Variants in ATP2C1 observed in about 807,000 individuals in gnomAD.
ATP2C1 encodes ATPase secretory pathway Ca2+ transporting 1.
Under a neutral mutation model 120.5 loss-of-function variants are expected in ATP2C1, and 31 were observed. That is an observed-to-expected ratio of 0.26 (90% CI 0.19 to 0.35). The LOEUF (loss-of-function observed/expected upper bound fraction) is 0.35, where lower values mean the gene tolerates loss of function less well. ATP2C1 is among the 10% of genes least tolerant of loss of function. The pLI is 1.00. For missense variants in ATP2C1, 731 were observed against 1,107.5 expected, an observed-to-expected ratio of 0.66 and a Z score of 4.83; for synonymous variants, 351 against 358.7, an observed-to-expected ratio of 0.98 and a Z score of 0.24.
chr3:130,943,208 A>G (rs1209698580), intron 8 of ATP2C1, among the ~76,000 whole-genome samples: 2 of 152,096 alleles, frequency 1.3e-5, no homozygotes, highest in Admixed American at 6.6e-5. Flanking sequence ...TATTGAAAAC[A>G]TTGTGAATTT....
intron 1 of ATP2C1, among the ~76,000 whole-genome samples, chr3:130,872,874 C>T (rs530314347): frequency 2.7e-4 from 41 of 152,106 alleles, no homozygotes; most frequent in Admixed American, 1.8e-3. Flanking sequence ...TGAGCCACTG[C>T]GCCCAGCTTG....
intron 17 of ATP2C1, among the ~76,000 whole-genome samples, chr3:130,971,781 G>A (rs542366015): frequency 6.4e-4 from 97 of 152,278 alleles, no homozygotes; most frequent in African/African-American, 2.2e-3. Flanking sequence ...CTTTACCCCT[G>A]TGGAACACCA....
In ATP2C1 at chr3:130,878,106, G is replaced by A. The variant is rs566925668; in HGVS notation, c.108+27178G>A. On this transcript the variant is annotated intron_variant, in intron 1 of 26. Coordinates refer to the ATP2C1 transcript ENST00000504381. Reference sequence around the variant, plus strand: ...TGAACAATGAGAACACTTGGACACAGAGTGGGGAACATCACACACTGGGGC... The same window carrying A: ...TGAACAATGAGAACACTTGGACACAAAGTGGGGAACATCACACACTGGGGC... Among the ~76,000 whole-genome samples the A allele has an allele frequency of 1.2e-4, 17 of 136,872 alleles. No homozygotes were observed. The South Asian group carries it at 2.9e-3, about 23-fold the overall frequency. The allele number at this position is 136,872 out of a possible 152,430, so 89.8% of individuals were successfully genotyped here.
intron 13 of ATP2C1, 132 bp downstream of exon 13, chr3:130,964,227 T>C: frequency 7.4e-7 from 1 of 1,344,292 alleles, no homozygotes; most frequent in South Asian, 1.2e-5. Context: ...AAATTGGATA[T>C]GGTTTTAACA....
chr3:130,874,836 C>G (rs555147392), intron 1 of ATP2C1, among the ~76,000 whole-genome samples: 46 of 152,258 alleles, frequency 3.0e-4, no homozygotes, highest in African/African-American at 1.1e-3. Context: ...TGCATCTAAT[C>G]CCCAGAATTT....
intron 26 of ATP2C1, among the ~76,000 whole-genome samples, chr3:131,011,079 G>A (rs1464338273): frequency 1.3e-5 from 2 of 152,122 alleles, no homozygotes; most frequent in African/African-American, 2.4e-5. Context: ...TTCCTTTTGT[G>A]CACAAAGGAG....
At chr3:130,889,199 T>A (rs1454820166), upstream of ATP2C1, among the ~76,000 whole-genome samples, 3 of 152,062 alleles carry the variant, frequency 2.0e-5, no homozygotes, top group African/African-American at 7.2e-5. Context: ...ATGCACAACT[T>A]TGGGATATGA....
chr3:130,985,463 T>C (rs218486), intron 20 of ATP2C1, among the ~76,000 whole-genome samples: 2,762 of 151,896 alleles, frequency 0.018, 44 homozygotes, highest in Non-Finnish European at 0.028. Context: ...CGAAACCCCA[T>C]CTCTACTAAA....
At chr3:130,931,511 T>C (rs2059447172) in intron 3 of ATP2C1, among the ~76,000 whole-genome samples, 1 of 152,028 alleles carries the variant, frequency 6.6e-6, no homozygotes, top group Non-Finnish European at 1.5e-5. Context: ...TTATGGCCCA[T>C]TGAACGTTCT....
At chr3:130,982,036 G>C (rs972885150) in intron 20 of ATP2C1, among the ~76,000 whole-genome samples, 1 of 152,080 alleles carries the variant, frequency 6.6e-6, no homozygotes, top group Admixed American at 6.6e-5. Flanking sequence ...ATTAGGTCTA[G>C]TTTTTCAATT....
At chr3:130,937,088 ATGAGT>A (rs2059707156) in intron 5 of ATP2C1, among the ~76,000 whole-genome samples, 1 of 152,188 alleles carries the variant, frequency 6.6e-6, no homozygotes. Context: ...AATTTTTTAC[ATGAGT>A]TGATGAGTAG....
intron 11 of ATP2C1, among the ~76,000 whole-genome samples, 160 bp from the exon 12 acceptor site, chr3:130,959,115 T>A (rs2060705547): frequency 6.6e-6 from 1 of 152,316 alleles, no homozygotes; most frequent in South Asian, 2.1e-4. Flanking sequence ...GTGTTAACTT[T>A]AACCTCCCCT....
rs2061188947 is a variant in ATP2C1, at chr3:130,969,287, T to C, written c.1309-5T>C. On this transcript the variant is annotated splice_region_variant and splice_polypyrimidine_tract_variant and intron_variant, in intron 16 of 27. Transcript: ENST00000510168. ...GAGAATTAACTTTCTCTTTGTGCCA[T>C]ATAGATGGGTCTTGATGGACTTCAA... The C allele has an allele frequency of 4.4e-6, 7 of 1,606,212 alleles. No individual in the cohort carries two copies. Among genetic ancestry groups the C allele is most frequent in the Non-Finnish European group, 6.0e-6 (7 of 1,172,868 alleles).
intron 2 of ATP2C1, chr3:130,918,417 G>T: frequency 9.4e-7 from 1 of 1,067,376 alleles, no homozygotes; most frequent in Non-Finnish European, 1.5e-6. Context: ...CTTCTCAGCA[G>T]CATGTACGGA....
chr3:130,920,508 T>G (rs1188493122), intron 2 of ATP2C1, among the ~76,000 whole-genome samples: 2 of 152,206 alleles, frequency 1.3e-5, no homozygotes, highest in East Asian at 1.9e-4. Context: ...TTCTAGGCTT[T>G]CTTTCTGTGT....
intron 4 of ATP2C1, 58 bp from the exon 5 acceptor site, chr3:130,934,564 G>T (rs2059586510): frequency 9.0e-7 from 1 of 1,106,242 alleles, no homozygotes. Flanking sequence ...TAAAGCCTTT[G>T]CTGAGAGAAC....
rs1012052261 is a variant in ATP2C1, at chr3:130,972,817, G to A, written c.1414-2515G>A. ...ACTCATCATTTTTTATGGCTGCATA[G>A]TATTCCATGGTGTATTAAATACAAG... is the stretch of plus-strand genomic sequence containing the variant. On this transcript the variant is annotated intron_variant, in intron 17 of 27. Transcript: ENST00000510168. Among the ~76,000 whole-genome samples the A allele has an allele frequency of 1.2e-4, 18 of 151,874 alleles. 1 individual carries two copies. Among genetic ancestry groups the A allele is most frequent in the South Asian group, 8.4e-4 (4 of 4,790 alleles).
chr3:130,883,885 A>C (rs1472607501), intron 1 of ATP2C1, among the ~76,000 whole-genome samples: 2 of 150,114 alleles, frequency 1.3e-5, no homozygotes, highest in South Asian at 4.2e-4. Flanking sequence ...CATTTGTTTC[A>C]AGAAATTTTT....
chr3:130,942,975 C>T (rs1156725466), intron 8 of ATP2C1, among the ~76,000 whole-genome samples: 4 of 152,124 alleles, frequency 2.6e-5, no homozygotes, highest in African/African-American at 4.8e-5. Flanking sequence ...AGCAGAACTT[C>T]TCATTGGGAT....
Sources: gnomAD v4.1 joint callset for allele counts (sites outside exome capture counted in the v4.1 genomes callset) on GRCh38, gnomAD v4.1.1 for gene constraint, MANE v1.5 for transcripts, NCBI Gene and HGNC (gene_info 2026-07-23, HGNC 2026-07-21) for gene names.